The following RGS17 variants were observed in gnomAD, a reference collection of about 807,000 sequenced individuals.
RGS17 encodes the protein regulator of G-protein signaling 17.
Under a neutral mutation model 25.5 loss-of-function variants are expected in RGS17, and 12 were observed. That is an observed-to-expected ratio of 0.47 (90% CI 0.30 to 0.76). The LOEUF is 0.76. Ranked by LOEUF, RGS17 falls within the 30% of genes least tolerant of loss-of-function variation. The pLI is 0.07. For synonymous variants in RGS17, 71 were observed against 76.9 expected, an observed-to-expected ratio of 0.92 and a Z score of 0.40; for missense variants, 196 against 242.2, an observed-to-expected ratio of 0.81 and a Z score of 1.27.
At chr6:153,041,399 G>A (rs1407436613) in intron 2 of RGS17, among the ~76,000 whole-genome samples, 3 of 152,204 alleles carry the variant, frequency 2.0e-5, no homozygotes, top group Non-Finnish European at 4.4e-5. Context: ...CTCTAGAGGT[G>A]TAGAGAGTTG....
chr6:153,010,224 T>C lies in RGS17; in HGVS notation c.*1350A>G, dbSNP rs565389528. The C allele has an allele frequency of 6.6e-6, 1 of 152,124 alleles. No individual in the cohort carries two copies. Among genetic ancestry groups the C allele is most frequent in the East Asian group, 1.9e-4 (1 of 5,180 alleles). 9.4% of individuals were successfully genotyped at this position (152,124 alleles called of 1,614,324 possible). Reference sequence around the variant, plus strand: ...TTAATATTCAAATGTAACACTTTGATATAAATATGACACTGATTATTTTAA... The same window carrying C: ...TTAATATTCAAATGTAACACTTTGACATAAATATGACACTGATTATTTTAA... On this transcript the variant is annotated 3_prime_UTR_variant, in exon 5 of 5. Coordinates refer to ENST00000206262, the MANE Select transcript of RGS17 (RefSeq NM_012419.5).
chr6:153,046,299 G>A (rs1776383569), intron 1 of RGS17, among the ~76,000 whole-genome samples: 1 of 144,746 alleles, frequency 6.9e-6, no homozygotes, highest in Non-Finnish European at 1.6e-5. Context: ...GATGACTAAA[G>A]TTAACAATAA....
At chr6:153,013,016 T>A (rs1286181397) in intron 4 of RGS17, among the ~76,000 whole-genome samples, 1 of 152,164 alleles carries the variant, frequency 6.6e-6, no homozygotes, top group Non-Finnish European at 1.5e-5. Flanking sequence ...TTTCTGTGGC[T>A]TAGCCAGACC....
intron 2 of RGS17, among the ~76,000 whole-genome samples, chr6:153,030,940 G>T (rs1359129424): frequency 4.6e-5 from 7 of 152,178 alleles, no homozygotes; most frequent in African/African-American, 1.7e-4. Context: ...TTGCATAAGA[G>T]AATTGAGAAA....
intron 1 of RGS17, among the ~76,000 whole-genome samples, chr6:153,087,711 T>C (rs1777070224): frequency 6.6e-6 from 1 of 152,166 alleles, no homozygotes; most frequent in African/African-American, 2.4e-5. Flanking sequence ...GCAGATAATG[T>C]CTCATCTCTT....
intron 4 of RGS17, among the ~76,000 whole-genome samples, chr6:153,014,797 CAAAAAA>C (rs34132794): frequency 3.1e-5 from 3 of 97,172 alleles, no homozygotes; most frequent in African/African-American, 1.1e-4. Flanking sequence ...GACTCCGTCT[CAAAAAA>C]AAAAAAAAAA....
At chr6:153,067,616 C>A (rs1269085162) in intron 1 of RGS17, among the ~76,000 whole-genome samples, 1 of 152,070 alleles carries the variant, frequency 6.6e-6, no homozygotes, top group African/African-American at 2.4e-5. Context: ...AGTGAAAGAT[C>A]TTTATAAGGA....
Position 153,097,290 on chromosome 6 carries a change from ATTTT to A in RGS17, c.-26+33830_-26+33833del, listed in dbSNP as rs3083488. On this transcript the variant is annotated intron_variant, in intron 1 of 4. Transcript: ENST00000206262. ...GGGCTTAGACAATAGCGTTTTTTTG[ATTTT>A]TTTTTTTTTTTTTTTTTTTTTTTTG... 1.9e-3 allele frequency among the ~76,000 whole-genome samples: 165 copies of A among 88,282 alleles called. 1 individual carries two copies. The highest frequency in any genetic ancestry group is 7.1e-3 in the Middle Eastern group (1 of 140). 57.9% of individuals were successfully genotyped at this position (88,282 alleles called of 152,430 possible). A position where few individuals can be genotyped will look rare whatever the true frequency, so the allele number is the denominator to read the frequency against.
intron 1 of RGS17, among the ~76,000 whole-genome samples, chr6:153,121,904 A>G (rs969419842): frequency 5.9e-5 from 9 of 152,160 alleles, no homozygotes; most frequent in Non-Finnish European, 1.3e-4. Context: ...ATTCTACCTT[A>G]CGAAACCCCA....
chr6:153,054,080 ACACAATATTTTT>A lies in RGS17; in HGVS notation c.-25-10049_-25-10038del, dbSNP rs1776515363. On this transcript the variant is annotated intron_variant, in intron 1 of 4. Transcript: ENST00000206262. ...ATAATATATATACATATATATATAC[ACACAATATTTTT>A]TATATATATATATATATATATGTGT... 1.5e-4 allele frequency among the ~76,000 whole-genome samples: 10 copies of A among 64,642 alleles called. 2 individuals carry two copies. The highest frequency in any genetic ancestry group is 1.1e-3 in the South Asian group (2 of 1,808). The allele number at this position is 64,642 out of a possible 152,430, so 42.4% of individuals were successfully genotyped here. A position where few individuals can be genotyped will look rare whatever the true frequency, so the allele number is the denominator to read the frequency against.
At chr6:153,106,202 A>G (rs1481634841) in intron 1 of RGS17, among the ~76,000 whole-genome samples, 1 of 151,998 alleles carries the variant, frequency 6.6e-6, no homozygotes, top group Non-Finnish European at 1.5e-5. Context: ...CATAGAGAAG[A>G]CAGGAATGCA....
chr6:153,098,106 A>G (rs189169590), intron 1 of RGS17, among the ~76,000 whole-genome samples: 2 of 152,274 alleles, frequency 1.3e-5, no homozygotes, highest in East Asian at 3.9e-4. Flanking sequence ...AAGTAAAAGG[A>G]GTATCCAGAA....
intron 1 of RGS17, among the ~76,000 whole-genome samples, chr6:153,054,092 T>TTATATATATATATATATATATA (rs1199437911): frequency 2.4e-5 from 1 of 42,102 alleles, no homozygotes; most frequent in Non-Finnish European, 3.8e-5. Context: ...ACAATATTTT[T>TTATATATATATATATATATATA]TATATATATA....
At chr6:153,115,974 A>T (rs1379693103) in intron 1 of RGS17, among the ~76,000 whole-genome samples, 2 of 152,252 alleles carry the variant, frequency 1.3e-5, no homozygotes, top group South Asian at 2.1e-4. Context: ...GAAACCTTAG[A>T]AGAAAACCTA....
rs564534831 is a variant in RGS17, at chr6:153,068,457, A to T, written c.-25-24414T>A. ...GTGAGACTCCATCTCAAACAAACAA[A>T]ATGAATTAAAGACTTCATCTAAGAC... On this transcript the variant is annotated intron_variant, in intron 1 of 4. Transcript: ENST00000206262. Among the ~76,000 whole-genome samples, 7 of 152,266 alleles carry T rather than the reference A, an allele frequency of 4.6e-5. No individual in the cohort carries two copies. In the South Asian group the frequency reaches 8.3e-4, roughly 18 times the overall value.
intron 1 of RGS17, among the ~76,000 whole-genome samples, chr6:153,105,775 G>A (rs1213616217): frequency 2.6e-5 from 4 of 152,194 alleles, no homozygotes; most frequent in African/African-American, 4.8e-5. Context: ...GAGGCATAAG[G>A]TGTCTGAGAG....
At chr6:153,072,237 T>G (rs572926729) in intron 1 of RGS17, among the ~76,000 whole-genome samples, 1 of 152,264 alleles carries the variant, frequency 6.6e-6, no homozygotes, top group South Asian at 2.1e-4. Flanking sequence ...ATAATAGCAT[T>G]GCTCTATTCC....
intron 2 of RGS17, among the ~76,000 whole-genome samples, chr6:153,033,861 T>C (rs1776189979): frequency 6.6e-6 from 1 of 152,206 alleles, no homozygotes; most frequent in Admixed American, 6.5e-5. Flanking sequence ...TACCTATAAT[T>C]TATAACTAAG....
At chr6:153,097,643 T>C (rs1777237529) in intron 1 of RGS17, among the ~76,000 whole-genome samples, 1 of 151,942 alleles carries the variant, frequency 6.6e-6, no homozygotes, top group Admixed American at 6.6e-5. Context: ...TGCCTCAGTC[T>C]AAGGAGATAT....
Sources: allele counts gnomAD v4.1 joint callset (sites outside exome capture counted in the v4.1 genomes callset), GRCh38; gene constraint gnomAD v4.1.1; transcripts MANE v1.5; gene names NCBI Gene and HGNC (gene_info 2026-07-23, HGNC 2026-07-21).